CACNA2D3: variants seen among roughly 807,000 people sequenced by gnomAD.
CACNA2D3 encodes the protein voltage-dependent calcium channel subunit alpha-2/delta-3.
CACNA2D3 carries 60 observed loss-of-function variants against 160.6 expected under a neutral mutation model. The ratio of observed to expected loss-of-function variants is 0.37; its 90% confidence interval spans 0.30 to 0.46. The LOEUF (loss-of-function observed/expected upper bound fraction) is 0.46, where lower values mean the gene tolerates loss of function less well. Ranked by LOEUF, CACNA2D3 falls within the 20% of genes least tolerant of loss-of-function variation. The probability of loss-of-function intolerance (pLI) is 1.00; values close to 1 mark genes in which losing one functional copy is unlikely to be tolerated. For missense variants in CACNA2D3, 1,205 were observed against 1,365.0 expected, an observed-to-expected ratio of 0.88 and a Z score of 1.85; for synonymous variants, 558 against 492.9, an observed-to-expected ratio of 1.13 and a Z score of -1.75.
intron 31 of CACNA2D3, among the ~76,000 whole-genome samples, chr3:54,996,464 A>G (rs1305839315): frequency 1.3e-5 from 2 of 152,336 alleles, no homozygotes; most frequent in East Asian, 3.9e-4. Context: ...CACTTGCCCC[A>G]GGAGCAAAGC....
At chr3:54,292,411 A>G (rs1703231005) in intron 2 of CACNA2D3, among the ~76,000 whole-genome samples, 1 of 152,208 alleles carries the variant, frequency 6.6e-6, no homozygotes, top group Admixed American at 6.6e-5. Flanking sequence ...AAGGGAGAAA[A>G]TATTTAGAAA....
At chr3:55,033,796 TTATATAATATGTATTATATA>T (rs1292121188) in intron 35 of CACNA2D3, among the ~76,000 whole-genome samples, 3 of 125,690 alleles carry the variant, frequency 2.4e-5, no homozygotes, top group Admixed American at 8.6e-5. Context: ...TAAATATATT[TTATATAATATGTATTATATA>T]TTAAATATAT....
intron 9 of CACNA2D3, among the ~76,000 whole-genome samples, chr3:54,594,539 A>G (rs530020073): frequency 6.6e-6 from 1 of 152,288 alleles, no homozygotes; most frequent in East Asian, 1.9e-4. Flanking sequence ...TACTCTTCTC[A>G]TTTCAACTCT....
chr3:54,883,795 T>A (rs1044649224), intron 21 of CACNA2D3, among the ~76,000 whole-genome samples: 16 of 40,240 alleles, frequency 4.0e-4, no homozygotes, highest in African/African-American at 1.4e-3. Context: ...ATAGTTACAA[T>A]GGAATCTCTC....
At chr3:54,911,470 A>G (rs1700555481) in intron 27 of CACNA2D3, among the ~76,000 whole-genome samples, 1 of 148,760 alleles carries the variant, frequency 6.7e-6, no homozygotes, top group African/African-American at 2.5e-5. Context: ...CTGGAACTAC[A>G]GGCATGTACC....
intron 9 of CACNA2D3, among the ~76,000 whole-genome samples, chr3:54,627,002 TC>T (rs1559531220): frequency 6.6e-6 from 1 of 152,216 alleles, no homozygotes; most frequent in Non-Finnish European, 1.5e-5. Context: ...AGAGCCTCAC[TC>T]CCATTCTCCT....
intron 11 of CACNA2D3, among the ~76,000 whole-genome samples, chr3:54,674,477 A>G (rs1231979444): frequency 6.6e-6 from 1 of 152,222 alleles, no homozygotes; most frequent in African/African-American, 2.4e-5. Context: ...GATGACCGGC[A>G]GTGGGGAGGA....
At chr3:54,558,133 A>G (rs1375260567) in intron 5 of CACNA2D3, among the ~76,000 whole-genome samples, 1 of 152,154 alleles carries the variant, frequency 6.6e-6, no homozygotes, top group Non-Finnish European at 1.5e-5. Context: ...TTATGTGACC[A>G]TTTCTAGCAT....
chr3:54,249,697 A>ACACC lies in CACNA2D3; in HGVS notation c.205-70744_205-70743insACCC, dbSNP rs1491291745. On this transcript the variant is annotated intron_variant, in intron 2 of 37. Coordinates refer to ENST00000474759, the MANE Select transcript of CACNA2D3 (RefSeq NM_018398.3). ...CACACACACACACACACACACACACACCCCTCATCCTATTGGTTCTGGTTC... is the reference window on the plus strand; with the variant it reads ...CACACACACACACACACACACACACACACCCCCCTCATCCTATTGGTTCTGGTTC... Among the ~76,000 whole-genome samples the ACACC allele has an allele frequency of 1.6e-4, 23 of 144,632 alleles. 1 individual carries two copies. Among genetic ancestry groups the ACACC allele is most frequent in the Admixed American group, 2.1e-4 (3 of 14,506 alleles). 94.9% of individuals were successfully genotyped at this position (144,632 alleles called of 152,430 possible).
Position 54,891,361 on chromosome 3 carries a change from T to A in CACNA2D3, c.2157T>A (p.Ser719=). 6.2e-7 allele frequency: 1 copy of A among 1,613,638 alleles called. No individual in the cohort carries two copies. Among genetic ancestry groups the A allele is most frequent in the Non-Finnish European group, 8.5e-7 (1 of 1,179,600 alleles). The change falls in exon 25 of 38, where the codon TCT becomes TCA. Residue 719 remains serine (S), a synonymous_variant. Transcript: ENST00000474759. ...TSLALNKSEN[S]DKGVEVAFLG... ...GTCTGTTGTTCTGTTTCAGAAATTC[T>A]GACAAGGGCGTGGAGGTTGCCTTCC...
At chr3:54,200,994 A>G (rs531895324) in intron 2 of CACNA2D3, among the ~76,000 whole-genome samples, 10 of 152,342 alleles carry the variant, frequency 6.6e-5, no homozygotes, top group South Asian at 4.1e-4. Flanking sequence ...GCATTGTCCA[A>G]TGTGATAGCC....
intron 2 of CACNA2D3, among the ~76,000 whole-genome samples, chr3:54,271,059 T>C (rs1386067252): frequency 6.6e-6 from 1 of 152,172 alleles, no homozygotes; most frequent in Non-Finnish European, 1.5e-5. Flanking sequence ...GAAGGAATTA[T>C]TTCTAAGTGA....
At chr3:54,164,751 C>T (rs1267474919) in intron 2 of CACNA2D3, among the ~76,000 whole-genome samples, 1 of 152,146 alleles carries the variant, frequency 6.6e-6, no homozygotes, top group Non-Finnish European at 1.5e-5. Context: ...CCCACTTCTG[C>T]CTGCCCTTCC....
intron 2 of CACNA2D3, among the ~76,000 whole-genome samples, chr3:54,245,979 C>T (rs1276149941): frequency 6.6e-6 from 1 of 152,230 alleles, no homozygotes; most frequent in East Asian, 1.9e-4. Context: ...GCGTGAGCGC[C>T]TGCATATCTA....
At chr3:54,795,871 C>T (rs950033676) in intron 13 of CACNA2D3, among the ~76,000 whole-genome samples, 4 of 152,102 alleles carry the variant, frequency 2.6e-5, no homozygotes, top group African/African-American at 4.8e-5. Context: ...AATTAATCAA[C>T]GGCAGGAAAA....
At chr3:54,687,372 A>T (rs531191563) in intron 11 of CACNA2D3, among the ~76,000 whole-genome samples, 1 of 146,232 alleles carries the variant, frequency 6.8e-6, no homozygotes, top group African/African-American at 2.6e-5. Flanking sequence ...AGGATGGTCT[A>T]GACTCCTGAC....
chr3:54,975,864 T>C (rs2107084563), intron 29 of CACNA2D3, among the ~76,000 whole-genome samples: 1 of 152,246 alleles, frequency 6.6e-6, no homozygotes. Flanking sequence ...TTGATACCAC[T>C]TGACCAAACT....
At chr3:54,459,269 TC>T (rs2106836735) in intron 4 of CACNA2D3, among the ~76,000 whole-genome samples, 1 of 151,066 alleles carries the variant, frequency 6.6e-6, no homozygotes, top group South Asian at 2.1e-4. Context: ...TGATTTATAG[TC>T]CTTTGGGTAT....
At chr3:54,942,518 T>C (rs1701498827) in intron 27 of CACNA2D3, among the ~76,000 whole-genome samples, 1 of 152,196 alleles carries the variant, frequency 6.6e-6, no homozygotes, top group Non-Finnish European at 1.5e-5. Flanking sequence ...TATTTCTAAG[T>C]AACTTGGTTT....
Sources: allele counts gnomAD v4.1 joint callset (sites outside exome capture counted in the v4.1 genomes callset), GRCh38; gene constraint gnomAD v4.1.1; transcripts MANE v1.5; gene names NCBI Gene and HGNC (gene_info 2026-07-23, HGNC 2026-07-21).